PEPD: variants seen among roughly 807,000 people sequenced by gnomAD.
PEPD encodes the protein xaa-Pro dipeptidase.
A neutral mutation model predicts 60.7 loss-of-function variants in PEPD; 53 were observed. That is an observed-to-expected ratio of 0.87 (90% CI 0.70 to 1.10). The LOEUF (loss-of-function observed/expected upper bound fraction) is 1.10, where lower values mean the gene tolerates loss of function less well. PEPD is among the 50% of genes least tolerant of loss of function. The probability of loss-of-function intolerance (pLI) is 0.00; values close to 1 mark genes in which losing one functional copy is unlikely to be tolerated. For synonymous variants in PEPD, 267 were observed against 284.1 expected, an observed-to-expected ratio of 0.94 and a Z score of 0.60; for missense variants, 711 against 711.9, an observed-to-expected ratio of 1.00 and a Z score of 0.01.
At chr19:33,440,180 C>T (rs1186972481) in intron 9 of PEPD, among the ~76,000 whole-genome samples, 5 of 152,170 alleles carry the variant, frequency 3.3e-5, no homozygotes, top group Non-Finnish European at 7.4e-5. Context: ...GCCTCAACTT[C>T]CCCAGGCACA....
chr19:33,502,950 G>GAC (rs1465316218), intron 3 of PEPD, among the ~76,000 whole-genome samples: 2 of 135,560 alleles, frequency 1.5e-5, no homozygotes, highest in Non-Finnish European at 3.3e-5. Flanking sequence ...ATAACTGGGG[G>GAC]GCGGGGGGGG....
At chr19:33,455,898 A>C (rs1969788319) in intron 9 of PEPD, among the ~76,000 whole-genome samples, 2 of 152,126 alleles carry the variant, frequency 1.3e-5, no homozygotes, top group Non-Finnish European at 2.9e-5. Context: ...TATGATTTCT[A>C]ATATGATTCT....
In PEPD at chr19:33,444,143, C is replaced by T. The variant is rs866710606; in HGVS notation, c.671+18852G>A. On this transcript the variant is annotated intron_variant, in intron 9 of 14. Coordinates refer to ENST00000244137, the MANE Select transcript of PEPD (RefSeq NM_000285.4). Reference sequence around the variant, plus strand: ...GAGTGTAATGCATGTACATATCACACGCACATGCACACACACACGCTGTAT... The same window carrying T: ...GAGTGTAATGCATGTACATATCACATGCACATGCACACACACACGCTGTAT... Among the ~76,000 whole-genome samples, 37 of 152,138 alleles carry T rather than the reference C, an allele frequency of 2.4e-4. No individual in the cohort carries two copies. In the Middle Eastern group the frequency reaches 0.01, roughly 42 times the overall value.
At chr19:33,482,001 TAG>T (rs916313860) in intron 6 of PEPD, among the ~76,000 whole-genome samples, 1 of 151,924 alleles carries the variant, frequency 6.6e-6, no homozygotes, top group South Asian at 2.1e-4. Context: ...GCCTGGGAGA[TAG>T]AGAGACTCCA....
At chr19:33,520,968 C>T (rs1971120206) in intron 1 of PEPD, among the ~76,000 whole-genome samples, 1 of 152,242 alleles carries the variant, frequency 6.6e-6, no homozygotes, top group Non-Finnish European at 1.5e-5. Context: ...CAGGCATGCA[C>T]CCCTGTCCCC....
chr19:33,426,645 G>C (rs1969156361), intron 9 of PEPD, among the ~76,000 whole-genome samples: 1 of 152,238 alleles, frequency 6.6e-6, no homozygotes, highest in African/African-American at 2.4e-5. Flanking sequence ...CAGGGACCTG[G>C]TCACCCGGGA....
intron 12 of PEPD, among the ~76,000 whole-genome samples, chr19:33,391,873 G>C (rs1968230512): frequency 6.6e-6 from 1 of 152,214 alleles, no homozygotes; most frequent in South Asian, 2.1e-4. Context: ...CGTCTCCCCA[G>C]TAGCAGACAC....
chr19:33,473,446 G>A (rs1970163736), intron 7 of PEPD, among the ~76,000 whole-genome samples: 1 of 152,164 alleles, frequency 6.6e-6, no homozygotes, highest in Non-Finnish European at 1.5e-5. Context: ...AGCAGAAATA[G>A]ACATGTTACC....
At chr19:33,504,019 G>T (rs1209375887) in intron 3 of PEPD, among the ~76,000 whole-genome samples, 1 of 152,158 alleles carries the variant, frequency 6.6e-6, no homozygotes, top group Non-Finnish European at 1.5e-5. Context: ...CAGAGGTCTG[G>T]TTCTCAACAG....
intron 6 of PEPD, among the ~76,000 whole-genome samples, chr19:33,488,621 G>A (rs145044500): frequency 5.3e-5 from 8 of 152,264 alleles, no homozygotes; most frequent in African/African-American, 7.2e-5. Context: ...AGGCGGGGCC[G>A]CTTTGGGGAA....
At chr19:33,449,037 A>C (rs1184034947) in intron 9 of PEPD, among the ~76,000 whole-genome samples, 3 of 152,178 alleles carry the variant, frequency 2.0e-5, no homozygotes, top group Non-Finnish European at 4.4e-5. Context: ...CAAGACCCTG[A>C]CGGGACAGAG....
Position 33,466,494 on chromosome 19 carries a change from C to T in PEPD, c.549-2432G>A, listed in dbSNP as rs191099751. 2.8e-3 allele frequency among the ~76,000 whole-genome samples: 421 copies of T among 152,268 alleles called. 4 individuals carry two copies. The highest frequency in any genetic ancestry group is 8.2e-4 in the Non-Finnish European group (56 of 68,028). On this transcript the variant is annotated intron_variant, in intron 7 of 14. Coordinates refer to ENST00000244137, the MANE Select transcript of PEPD (RefSeq NM_000285.4). ...ACTTCTATGGCTTTAGATCTAACTT[C>T]CAGTTTGCAGGAAATATGGGGATAG... is the stretch of plus-strand genomic sequence containing the variant.
At chr19:33,411,098 TCTC>T (rs1300921154) in intron 11 of PEPD, among the ~76,000 whole-genome samples, 1 of 152,104 alleles carries the variant, frequency 6.6e-6, no homozygotes, top group Non-Finnish European at 1.5e-5. Context: ...CCTGCCCACA[TCTC>T]CTTGTCGTGG....
At chr19:33,447,146 C>T (rs1336490315) in intron 9 of PEPD, among the ~76,000 whole-genome samples, 1 of 152,218 alleles carries the variant, frequency 6.6e-6, no homozygotes, top group African/African-American at 2.4e-5. Context: ...GTTCTATCCC[C>T]AGGTGCAGAC....
chr19:33,404,074 G>A (rs76690849), intron 11 of PEPD, among the ~76,000 whole-genome samples: 11,439 of 152,284 alleles, frequency 0.075, 497 homozygotes, highest in Middle Eastern at 0.12. Context: ...TAAACAACTC[G>A]AAGCCCAGCA....
intron 7 of PEPD, among the ~76,000 whole-genome samples, chr19:33,469,448 C>A (rs1476584913): frequency 6.6e-6 from 1 of 152,198 alleles, no homozygotes; most frequent in Non-Finnish European, 1.5e-5. Context: ...CTTCTGCCCC[C>A]CACGGGAGCC....
chr19:33,421,339 A>G (rs1969013320), intron 9 of PEPD, among the ~76,000 whole-genome samples: 1 of 152,160 alleles, frequency 6.6e-6, no homozygotes, highest in Non-Finnish European at 1.5e-5. Context: ...CATACCTGTG[A>G]ATGGGGCCCA....
intron 4 of PEPD, among the ~76,000 whole-genome samples, chr19:33,496,836 AGG>A (rs202073451): frequency 0.083 from 12,617 of 152,198 alleles, 719 homozygotes; most frequent in East Asian, 0.24. Flanking sequence ...GGACAATCAG[AGG>A]CTTCCCACGG....
chr19:33,415,340 C>T (rs998498831), intron 9 of PEPD, among the ~76,000 whole-genome samples: 3 of 152,188 alleles, frequency 2.0e-5, no homozygotes, highest in African/African-American at 7.2e-5. Flanking sequence ...GACAGAGATG[C>T]CATCCGCATG....
Sources: gnomAD v4.1 joint callset for allele counts (sites outside exome capture counted in the v4.1 genomes callset) on GRCh38, gnomAD v4.1.1 for gene constraint, MANE v1.5 for transcripts, NCBI Gene and HGNC (gene_info 2026-07-23, HGNC 2026-07-21) for gene names.